The following ADAM32 variants were observed in gnomAD, a reference collection of about 807,000 sequenced individuals.
ADAM32 encodes the protein disintegrin and metalloproteinase domain-containing protein 32.
ADAM32 carries 89 observed loss-of-function variants against 114.9 expected under a neutral mutation model. That is an observed-to-expected ratio of 0.77 (90% CI 0.65 to 0.92). The LOEUF (loss-of-function observed/expected upper bound fraction) is 0.92, where lower values mean the gene tolerates loss of function less well. Ranked by LOEUF, ADAM32 falls within the 40% of genes least tolerant of loss-of-function variation. ADAM32 has a pLI of 0.00. For synonymous variants in ADAM32, 285 were observed against 307.5 expected, an observed-to-expected ratio of 0.93 and a Z score of 0.77; for missense variants, 870 against 932.8, an observed-to-expected ratio of 0.93 and a Z score of 0.88.
Position 39,199,971 on chromosome 8 carries a change from A to T in ADAM32, c.1053-11173A>T, listed in dbSNP as rs1205742510. ...TGAACTCATCATTTTTTATGGCTGCATAGTATTCCATGGTGTATATGTGCC... is the reference window on the plus strand; with the variant it reads ...TGAACTCATCATTTTTTATGGCTGCTTAGTATTCCATGGTGTATATGTGCC... On this transcript the variant is annotated intron_variant, in intron 11 of 24. Coordinates refer to ENST00000379907, the MANE Select transcript of ADAM32 (RefSeq NM_145004.7). Among the ~76,000 whole-genome samples, 3 of 152,200 alleles carry T rather than the reference A, an allele frequency of 2.0e-5. No individual in the cohort carries two copies. In the East Asian group the frequency reaches 5.8e-4, roughly 29 times the overall value.
At chr8:39,142,612 C>A (rs1803234447) in intron 3 of ADAM32, among the ~76,000 whole-genome samples, 1 of 152,196 alleles carries the variant, frequency 6.6e-6, no homozygotes, top group African/African-American at 2.4e-5. Flanking sequence ...GTAAGCCAAC[C>A]TTTCTCTCTG....
intron 6 of ADAM32, chr8:39,158,240 T>TGTGGATGA: frequency 5.4e-6 from 1 of 184,220 alleles, no homozygotes. Flanking sequence ...GTGTAGATAT[T>TGTGGATGA]CAAGCATGCT....
chr8:39,192,918 C>T (rs775745135), intron 11 of ADAM32, among the ~76,000 whole-genome samples: 6 of 152,006 alleles, frequency 3.9e-5, no homozygotes, highest in Non-Finnish European at 7.4e-5. Flanking sequence ...TTGTAGGTGA[C>T]CTGTCCTTTC....
chr8:39,238,294 A>C (rs1810324934), intron 16 of ADAM32, among the ~76,000 whole-genome samples: 1 of 152,230 alleles, frequency 6.6e-6, no homozygotes. Context: ...AAAGTCCAGT[A>C]GCTCCACTGC....
At chr8:39,261,640 C>A (rs1812035746) in intron 19 of ADAM32, among the ~76,000 whole-genome samples, 3 of 152,146 alleles carry the variant, frequency 2.0e-5, no homozygotes, top group Admixed American at 2.0e-4. Context: ...CTGCTGTTCT[C>A]CATAGTGGCT....
At chr8:39,192,026 T>C (rs1806646252) in intron 11 of ADAM32, among the ~76,000 whole-genome samples, 1 of 152,184 alleles carries the variant, frequency 6.6e-6, no homozygotes, top group African/African-American at 2.4e-5. Flanking sequence ...GGTTTTCTCT[T>C]TTGGTTAGTT....
intron 22 of ADAM32, 45 bp from the exon 23 acceptor site, chr8:39,281,087 ATTTT>A (rs1813392336): frequency 1.9e-6 from 2 of 1,034,724 alleles, no homozygotes; most frequent in Non-Finnish European, 2.5e-6. Context: ...TGGCCAATTT[ATTTT>A]TAATAATAGA....
At chr8:39,248,788 C>A (rs1811095719) in intron 17 of ADAM32, among the ~76,000 whole-genome samples, 2 of 152,072 alleles carry the variant, frequency 1.3e-5, no homozygotes, top group South Asian at 4.1e-4. Flanking sequence ...TAATATCTCA[C>A]CATTAAGTAC....
chr8:39,200,390 T>C (rs1372796512), intron 11 of ADAM32, among the ~76,000 whole-genome samples: 2 of 152,254 alleles, frequency 1.3e-5, no homozygotes, highest in African/African-American at 4.8e-5. Context: ...GAGCATTTTT[T>C]TCATGTGTCT....
At chr8:39,242,476 G>A (rs1810627674) in intron 16 of ADAM32, among the ~76,000 whole-genome samples, 1 of 152,132 alleles carries the variant, frequency 6.6e-6, no homozygotes, top group Non-Finnish European at 1.5e-5. Flanking sequence ...CACATGGCTG[G>A]GAAAGCCTCA....
intron 16 of ADAM32, among the ~76,000 whole-genome samples, chr8:39,244,121 C>A (rs181421532): frequency 2.0e-5 from 3 of 152,066 alleles, no homozygotes; most frequent in Non-Finnish European, 4.4e-5. Context: ...TTATAGATGA[C>A]ACAAACAAAT....
intron 4 of ADAM32, among the ~76,000 whole-genome samples, chr8:39,148,434 C>A (rs1274814155): frequency 6.6e-6 from 1 of 151,946 alleles, no homozygotes; most frequent in Non-Finnish European, 1.5e-5. Flanking sequence ...GTTGACTAAC[C>A]CCTACTTTAA....
intron 10 of ADAM32, among the ~76,000 whole-genome samples, chr8:39,181,414 T>C (rs576671530): frequency 2.0e-5 from 3 of 151,786 alleles, no homozygotes; most frequent in East Asian, 1.9e-4. Flanking sequence ...TCTGAACACA[T>C]CCAAACGTCA....
At chr8:39,257,020 T>C (rs115141508) in intron 18 of ADAM32, among the ~76,000 whole-genome samples, 167 bp from the exon 19 acceptor site, 321 of 152,180 alleles carry the variant, frequency 2.1e-3, no homozygotes, top group African/African-American at 7.5e-3. Context: ...AATGAAACGT[T>C]GTACAGGTAG....
chr8:39,192,653 G>A lies in ADAM32; in HGVS notation c.1052+5608G>A, dbSNP rs575340763. 8.3e-4 allele frequency among the ~76,000 whole-genome samples: 127 copies of A among 152,228 alleles called. 1 individual carries two copies. In the South Asian group the frequency reaches 8.9e-3, roughly 11 times the overall value. ...GTGTGTTTTTGTAGTGGCTGGTAAC[G>A]GTCTTTTCTTTCCACATTTAGTGCT... On this transcript the variant is annotated intron_variant, in intron 11 of 24. Coordinates refer to ENST00000379907, the MANE Select transcript of ADAM32 (RefSeq NM_145004.7).
intron 7 of ADAM32, 24 bp downstream of exon 7, chr8:39,160,989 C>A: frequency 6.5e-7 from 1 of 1,533,920 alleles, no homozygotes; most frequent in African/African-American, 1.4e-5. Context: ...TTTTTCTTTG[C>A]TTTGAAATAT....
intron 12 of ADAM32, among the ~76,000 whole-genome samples, chr8:39,220,691 G>A (rs1808901541): frequency 6.6e-6 from 1 of 152,022 alleles, no homozygotes; most frequent in Non-Finnish European, 1.5e-5. Flanking sequence ...TCAGGAGCAT[G>A]TTGTTTAATT....
At chr8:39,200,836 A>G (rs952505829) in intron 11 of ADAM32, among the ~76,000 whole-genome samples, 38 of 152,264 alleles carry the variant, frequency 2.5e-4, no homozygotes, top group African/African-American at 8.2e-4. Flanking sequence ...TCAGCTTTCT[A>G]CATATGGCTA....
At chr8:39,243,098 C>A (rs1409198142) in intron 16 of ADAM32, among the ~76,000 whole-genome samples, 1 of 151,938 alleles carries the variant, frequency 6.6e-6, no homozygotes, top group Non-Finnish European at 1.5e-5. Context: ...AATAGAAACT[C>A]TGAACAGACT....
Sources: allele counts gnomAD v4.1 joint callset (sites outside exome capture counted in the v4.1 genomes callset), GRCh38; gene constraint gnomAD v4.1.1; transcripts MANE v1.5; gene names NCBI Gene and HGNC (gene_info 2026-07-23, HGNC 2026-07-21).